Variants in MYO9B observed in about 807,000 individuals in gnomAD.
MYO9B encodes unconventional myosin-IXb.
A neutral mutation model predicts 229.5 loss-of-function variants in MYO9B; 71 were observed. That is an observed-to-expected ratio of 0.31 (90% CI 0.26 to 0.38). The LOEUF (loss-of-function observed/expected upper bound fraction) is 0.38, where lower values mean the gene tolerates loss of function less well. MYO9B is among the 10% of genes least tolerant of loss of function. The pLI is 1.00. For missense variants in MYO9B, 2,255 were observed against 2,920.5 expected (o/e 0.77, Z 5.25); for synonymous variants, 1,185 against 1,235.8 (o/e 0.96, Z 0.86).
At chr19:17,185,900 G>GCTTT (rs1186191998) in intron 17 of MYO9B, 21 bp from the exon 18 acceptor site, 7 of 1,608,028 alleles carry the variant, frequency 4.4e-6, no homozygotes, top group Non-Finnish European at 6.0e-6. Flanking sequence ...CAACCCAAAT[G>GCTTT]CTTTCTCTTT....
At chr19:17,199,842 A>T (rs116126754) in intron 24 of MYO9B, among the ~76,000 whole-genome samples, 8,100 of 149,554 alleles carry the variant, frequency 0.054, 364 homozygotes, top group African/African-American at 0.12. Context: ...CACCATACCC[A>T]GCCAGATCCA....
chr19:17,128,073 C>A (rs1194609581), intron 2 of MYO9B, among the ~76,000 whole-genome samples: 1 of 152,132 alleles, frequency 6.6e-6, no homozygotes, highest in East Asian at 1.9e-4. Context: ...CAAAGTGTCT[C>A]AGCAGAAGTA....
At chr19:17,091,871 G>A (rs2057641897) in intron 1 of MYO9B, among the ~76,000 whole-genome samples, 4 of 152,182 alleles carry the variant, frequency 2.6e-5, no homozygotes, top group African/African-American at 4.8e-5. Context: ...TCCTGTGACC[G>A]TCCCCTTCAG....
intron 3 of MYO9B, among the ~76,000 whole-genome samples, chr19:17,150,999 G>A (rs2072470277): frequency 1.0e-5 from 1 of 100,454 alleles, no homozygotes; most frequent in Admixed American, 1.0e-4. Flanking sequence ...GATTGGTAAG[G>A]CCGGGCGCAG....
At chr19:17,209,963 TG>T (rs2073207520) in intron 36 of MYO9B, among the ~76,000 whole-genome samples, 1 of 152,184 alleles carries the variant, frequency 6.6e-6, no homozygotes, top group Non-Finnish European at 1.5e-5. Flanking sequence ...CCAGCCTGGC[TG>T]GGGCCACCAG....
chr19:17,106,000 C>T (rs1295438750), intron 2 of MYO9B, among the ~76,000 whole-genome samples: 1 of 147,948 alleles, frequency 6.8e-6, no homozygotes, highest in African/African-American at 2.5e-5. Context: ...CCCCTCTCCT[C>T]GCCTCTCCTC....
intron 3 of MYO9B, among the ~76,000 whole-genome samples, chr19:17,152,123 G>T (rs1382970920): frequency 6.7e-6 from 1 of 149,182 alleles, no homozygotes; most frequent in Non-Finnish European, 1.5e-5. Context: ...GGAGGTGGAG[G>T]TTGCAGTGAG....
At chr19:17,165,671 A>G (rs570853112) in intron 10 of MYO9B, among the ~76,000 whole-genome samples, 4 of 152,162 alleles carry the variant, frequency 2.6e-5, no homozygotes, top group Admixed American at 2.0e-4. Context: ...GCTACTGGGG[A>G]GGTTGAGGCA....
At chr19:17,122,977 A>G (rs1449159340) in intron 2 of MYO9B, among the ~76,000 whole-genome samples, 1 of 152,098 alleles carries the variant, frequency 6.6e-6, no homozygotes, top group Non-Finnish European at 1.5e-5. Flanking sequence ...AGGTGGTGCT[A>G]CTCAAGAGGT....
intron 2 of MYO9B, among the ~76,000 whole-genome samples, chr19:17,110,591 T>TGCAGCTG (rs1426255112): frequency 1.3e-5 from 2 of 152,188 alleles, no homozygotes; most frequent in Admixed American, 1.3e-4. Flanking sequence ...CTGTAGCAAG[T>TGCAGCTG]GCAGCTGGCA....
chr19:17,116,516 G>A (rs559769198), intron 2 of MYO9B, among the ~76,000 whole-genome samples: 8 of 152,236 alleles, frequency 5.3e-5, no homozygotes, highest in South Asian at 4.1e-4. Flanking sequence ...CAGGCATCCC[G>A]GAGTCAGGCG....
At chr19:17,127,712 C>T (rs535842863) in intron 2 of MYO9B, among the ~76,000 whole-genome samples, 30 of 152,334 alleles carry the variant, frequency 2.0e-4, no homozygotes, top group Middle Eastern at 3.4e-3. Flanking sequence ...TTGCAGACCC[C>T]CGGTAGAGAT....
intron 2 of MYO9B, among the ~76,000 whole-genome samples, chr19:17,134,755 C>T (rs1212210781): frequency 6.6e-6 from 1 of 151,938 alleles, no homozygotes; most frequent in Non-Finnish European, 1.5e-5. Context: ...TTTATCCATT[C>T]ATCTGTGGGG....
chr19:17,174,589 A>T (rs978020853), intron 13 of MYO9B, among the ~76,000 whole-genome samples: 1 of 152,076 alleles, frequency 6.6e-6, no homozygotes, highest in Non-Finnish European at 1.5e-5. Flanking sequence ...GTGAGCCAAG[A>T]TCATGCCAGT....
Position 17,175,709 on chromosome 19 carries a change from A to G in MYO9B, c.2187A>G (p.Arg729=). The G allele has an allele frequency of 6.3e-7, 1 of 1,575,850 alleles. No homozygotes were observed. The highest frequency in any genetic ancestry group is 8.6e-7 in the Non-Finnish European group (1 of 1,160,978). ...GAQSHPEELP[R]GASTPSEKLY... is the part of the protein sequence containing the mutation. Reference sequence around the variant, plus strand: ...AAAGTCACCCAGAAGAGCTGCCAAGAGGAGCCAGCACCCCTTCGGAAAAAC... The same window carrying G: ...AAAGTCACCCAGAAGAGCTGCCAAGGGGAGCCAGCACCCCTTCGGAAAAAC... The change falls in exon 14 of 40, where the codon AGA becomes AGG. Residue 729 remains arginine, a synonymous_variant. Transcript: ENST00000682292.
At chr19:17,179,495 C>T (rs2072831359) in intron 14 of MYO9B, among the ~76,000 whole-genome samples, 1 of 143,356 alleles carries the variant, frequency 7.0e-6, no homozygotes, top group African/African-American at 2.6e-5. Flanking sequence ...GGTGCGATCT[C>T]GGCTCACTAC....
chr19:17,205,134 G>A (rs2073145476), intron 30 of MYO9B, 129 bp from the exon 31 acceptor site: 4 of 647,070 alleles, frequency 6.2e-6, no homozygotes, highest in African/African-American at 3.8e-5. Context: ...CTGAGAACAA[G>A]AGTGAGACTC....
At chr19:17,092,702 G>A (rs1466987962) in intron 1 of MYO9B, among the ~76,000 whole-genome samples, 4 of 149,482 alleles carry the variant, frequency 2.7e-5, no homozygotes, top group African/African-American at 9.9e-5. Context: ...TCCAGCCTGG[G>A]TGACAGAGCA....
chr19:17,204,424 C>T (rs1311810521), intron 30 of MYO9B, among the ~76,000 whole-genome samples: 1 of 150,898 alleles, frequency 6.6e-6, no homozygotes, highest in Non-Finnish European at 1.5e-5. Flanking sequence ...TCCCCACAAA[C>T]ACCTGCTCAT....
Sources: gnomAD v4.1 joint callset for allele counts (sites outside exome capture counted in the v4.1 genomes callset) on GRCh38, gnomAD v4.1.1 for gene constraint, MANE v1.5 for transcripts, NCBI Gene and HGNC (gene_info 2026-07-23, HGNC 2026-07-21) for gene names.